The following RBFOX2 variants were observed in gnomAD, a reference collection of about 807,000 sequenced individuals.
RBFOX2 encodes RNA binding fox-1 homolog 2, also known as RNA binding protein fox-1 homolog 2.
RBFOX2 carries 10 observed loss-of-function variants against 49.1 expected under a neutral mutation model. The ratio of observed to expected loss-of-function variants is 0.20; its 90% CI spans 0.13 to 0.35. RBFOX2 has a LOEUF of 0.35. Ranked by LOEUF, RBFOX2 falls within the 10% of genes least tolerant of loss-of-function variation. The probability of loss-of-function intolerance (pLI) is 1.00; values close to 1 mark genes in which losing one functional copy is unlikely to be tolerated. For synonymous variants in RBFOX2, 183 were observed against 187.4 expected (o/e 0.98, Z 0.19); for missense variants, 323 against 486.9 (o/e 0.66, Z 3.17).
intron 1 of RBFOX2, among the ~76,000 whole-genome samples, chr22:35,854,439 T>A (rs1047019737): frequency 2.6e-5 from 4 of 151,742 alleles, no homozygotes; most frequent in African/African-American, 4.8e-5. Flanking sequence ...CCAAAAAAAT[T>A]AGCTGGGTAT....
Position 35,975,712 on chromosome 22 carries a change from G to GA in RBFOX2, c.187-36816dup, listed in dbSNP as rs889033673. Among the ~76,000 whole-genome samples, 64 of 143,290 alleles carry GA rather than the reference G, an allele frequency of 4.5e-4. 1 individual carries two copies. The highest frequency in any genetic ancestry group is 3.6e-3 in the Middle Eastern group (1 of 274). The allele number at this position is 143,290 out of a possible 152,430, so 94.0% of individuals were successfully genotyped here. A position where few individuals can be genotyped will look rare whatever the true frequency, so the allele number is the denominator to read the frequency against. ...CTTTTCCCTTTTGATGTCAGGAACA[G>GA]AAAAAAAAAAAATCAAATTTTCATG... On this transcript the variant is annotated intron_variant, in intron 1 of 13. Transcript: ENST00000438146.
At chr22:35,760,747 A>G (rs1321450344) in intron 8 of RBFOX2, among the ~76,000 whole-genome samples, 1 of 152,150 alleles carries the variant, frequency 6.6e-6, no homozygotes, top group East Asian at 1.9e-4. Context: ...TGTCCACTGA[A>G]TCCTGTTTAA....
intron 1 of RBFOX2, among the ~76,000 whole-genome samples, chr22:35,833,234 T>C (rs529359456): frequency 6.6e-6 from 1 of 151,998 alleles, no homozygotes; most frequent in Non-Finnish European, 1.5e-5. Flanking sequence ...TTCAAGGAAG[T>C]AGGAAAAATA....
intron 8 of RBFOX2, among the ~76,000 whole-genome samples, chr22:35,760,351 A>G (rs1489558787): frequency 6.6e-6 from 1 of 152,200 alleles, no homozygotes; most frequent in Non-Finnish European, 1.5e-5. Context: ...CTGCCATAAT[A>G]AGAGACAGAC....
At chr22:35,743,404 G>A (rs1338028914) in exon 12 of RBFOX2, 2 of 152,108 alleles carry the variant, frequency 1.3e-5, no homozygotes, top group African/African-American at 4.8e-5. Flanking sequence ...AGGAATGCTA[G>A]GTTACAGGAA....
At chr22:35,948,227 G>A (rs533937773) in intron 1 of RBFOX2, among the ~76,000 whole-genome samples, 1 of 152,192 alleles carries the variant, frequency 6.6e-6, no homozygotes, top group African/African-American at 2.4e-5. Context: ...ACACAGCCCA[G>A]GTATGACAAC....
chr22:35,982,422 T>C (rs991646082), intron 1 of RBFOX2, among the ~76,000 whole-genome samples: 7 of 152,084 alleles, frequency 4.6e-5, no homozygotes, highest in Non-Finnish European at 8.8e-5. Flanking sequence ...TACCACATTA[T>C]AGGTCTTGTT....
chr22:35,945,702 G>C (rs1041964397), intron 1 of RBFOX2, among the ~76,000 whole-genome samples: 2 of 152,176 alleles, frequency 1.3e-5, no homozygotes, highest in African/African-American at 2.4e-5. Context: ...CTCCCAAAGT[G>C]CTGGGATTAC....
At position 35,840,393 on chromosome 22, in the gene RBFOX2, C is replaced by A. The variant is rs954974525; in HGVS notation, c.-175G>T. Reference sequence around the variant, plus strand: ...TCTAATGTTTCTTCCTTTCTTTTCTCTTCCTCTCTGGCAGTCTCTCCCCCT... The same window carrying A: ...TCTAATGTTTCTTCCTTTCTTTTCTATTCCTCTCTGGCAGTCTCTCCCCCT... On this transcript the variant is annotated 5_prime_UTR_variant, in exon 1 of 12. Transcript: ENST00000405409. 3.3e-6 allele frequency: 5 copies of A among 1,512,262 alleles called. No homozygotes were observed. In the African/African-American group the frequency reaches 7.0e-5, roughly 21 times the overall value. 93.7% of individuals were successfully genotyped at this position (1,512,262 alleles called of 1,614,324 possible).
intron 4 of RBFOX2, among the ~76,000 whole-genome samples, chr22:35,772,788 G>A (rs1943022123): frequency 1.3e-5 from 2 of 152,054 alleles, no homozygotes; most frequent in Non-Finnish European, 2.9e-5. Flanking sequence ...AGGACATATA[G>A]GAGCCAAGTA....
At chr22:35,858,826 CA>C (rs771614258) in intron 1 of RBFOX2, among the ~76,000 whole-genome samples, 609 of 53,754 alleles carry the variant, frequency 0.011, no homozygotes, top group Middle Eastern at 0.039. Context: ...GACTCTGTCT[CA>C]AAAAAAAAAA....
At chr22:35,897,668 A>C in intron 1 of RBFOX2, 1 of 1,392,878 alleles carries the variant, frequency 7.2e-7, no homozygotes, top group South Asian at 1.2e-5. Context: ...ATTCCTTTGG[A>C]TACATCTACG....
At chr22:35,802,842 G>A (rs1205063706) in intron 2 of RBFOX2, among the ~76,000 whole-genome samples, 2 of 152,154 alleles carry the variant, frequency 1.3e-5, no homozygotes, top group East Asian at 1.9e-4. Context: ...CATGGATGAG[G>A]AAGGGAGACA....
chr22:35,927,363 G>A (rs1267624955), intron 1 of RBFOX2, among the ~76,000 whole-genome samples: 1 of 152,152 alleles, frequency 6.6e-6, no homozygotes, highest in Admixed American at 6.5e-5. Context: ...CCAGCCCTTT[G>A]GGAGGCCAAG....
intron 4 of RBFOX2, among the ~76,000 whole-genome samples, chr22:35,775,841 CAAAAAAAAAAAAA>C (rs753116056): frequency 7.1e-5 from 4 of 56,152 alleles, no homozygotes; most frequent in Non-Finnish European, 1.4e-4. Context: ...GAATCTGCCT[CAAAAAAAAAAAAA>C]AAAAAAAGAA....
intron 1 of RBFOX2, among the ~76,000 whole-genome samples, chr22:35,948,291 C>T (rs1301377391): frequency 6.6e-6 from 1 of 152,184 alleles, no homozygotes; most frequent in Non-Finnish European, 1.5e-5. Flanking sequence ...TCCTGTTTGG[C>T]TAACACCCTC....
At chr22:35,846,568 G>A (rs889020046) in intron 1 of RBFOX2, among the ~76,000 whole-genome samples, 8 of 151,248 alleles carry the variant, frequency 5.3e-5, no homozygotes, top group African/African-American at 1.9e-4. Context: ...CCAACATGGT[G>A]AAACCCTGTC....
At position 35,938,850 on chromosome 22, in the gene RBFOX2, G is replaced by C. The variant is rs1458240275; in HGVS notation, c.-37C>G. 2 of 1,613,362 alleles carry C rather than the reference G, an allele frequency of 1.2e-6. No homozygotes were observed. Among genetic ancestry groups the C allele is most frequent in the Non-Finnish European group, 1.7e-6 (2 of 1,179,502 alleles). On this transcript the variant is annotated 5_prime_UTR_variant, in exon 1 of 14. Transcript: ENST00000359369. ...GTTACAAACAGCAGATACCAACCTGGCTGTCCCGCGCTGGGAATCCATGAT... is the reference window on the plus strand; with the variant it reads ...GTTACAAACAGCAGATACCAACCTGCCTGTCCCGCGCTGGGAATCCATGAT...
chr22:35,995,289 G>A (rs1414926856), intron 1 of RBFOX2: 1 of 152,100 alleles, frequency 6.6e-6, no homozygotes, highest in Non-Finnish European at 1.5e-5. Context: ...CGAATAAGAA[G>A]GTTTGGAAGG....
Sources: allele counts gnomAD v4.1 joint callset (sites outside exome capture counted in the v4.1 genomes callset), GRCh38; gene constraint gnomAD v4.1.1; transcripts MANE v1.5; gene names NCBI Gene and HGNC (gene_info 2026-07-23, HGNC 2026-07-21).